Variants in RIF1 observed in about 807,000 individuals in gnomAD.
The protein encoded by RIF1 is replication timing regulatory factor 1.
A neutral mutation model predicts 247.1 loss-of-function variants in RIF1; 45 were observed. That is an observed-to-expected ratio of 0.18 (90% confidence interval 0.14 to 0.23). RIF1 has a LOEUF of 0.23. Among genes scored for constraint, RIF1 ranks in the 10% least tolerant of loss-of-function variants. The probability of loss-of-function intolerance (pLI) is 1.00; values close to 1 mark genes in which losing one functional copy is unlikely to be tolerated. For missense variants in RIF1, 2,967 were observed against 2,862.5 expected (o/e 1.04, Z -0.83); for synonymous variants, 1,087 against 978.8 (o/e 1.11, Z -2.06).
chr2:151,491,953 A>G lies in RIF1; in HGVS notation c.*416-3276A>G. 9 of 1,037,972 alleles carry G rather than the reference A, an allele frequency of 8.7e-6. No individual in the cohort carries two copies. In the South Asian group the frequency reaches 1.3e-4, roughly 15 times the overall value. 64.3% of individuals were successfully genotyped at this position (1,037,972 alleles called of 1,614,324 possible). A position where few individuals can be genotyped will look rare whatever the true frequency, so the allele number is the denominator to read the frequency against. The stretch of plus-strand genomic sequence containing the variant: ...GATAAGGTAGAAATCAGCTTTGTAA[A>G]CTATGAGATAATAGGAGCTTTCTTG... On this transcript the variant is annotated intron_variant and NMD_transcript_variant, in intron 9 of 13. Coordinates refer to the RIF1 transcript ENST00000454583.
Position 151,465,814 on chromosome 2 carries a change from A to G in RIF1, c.6294A>G (p.Leu2098=). The change falls in exon 30 of 36, where the codon TTA becomes TTG. Residue 2098 remains leucine (L), a synonymous_variant. Transcript: ENST00000444746. ...NTEYSKSEEK[L]DNNQMVMESD... is the part of the protein sequence containing the mutation. ...AGTATAGTAAATCTGAAGAAAAATT[A>G]GATAACAATCAAATGGTAATGGAAA... 1.2e-6 allele frequency: 2 copies of G among 1,613,018 alleles called. No homozygotes were observed. Among genetic ancestry groups the G allele is most frequent in the Non-Finnish European group, 1.7e-6 (2 of 1,178,996 alleles).
At chr2:151,437,927 G>T (rs112938886) in intron 13 of RIF1, among the ~76,000 whole-genome samples, 2,290 of 152,202 alleles carry the variant, frequency 0.015, 69 homozygotes, top group African/African-American at 0.052. Context: ...CTAAACTCCT[G>T]TGTTACATGG....
intron 6 of RIF1, among the ~76,000 whole-genome samples, chr2:151,418,876 A>G (rs1281900423): frequency 6.7e-6 from 1 of 150,258 alleles, no homozygotes; most frequent in Non-Finnish European, 1.5e-5. Flanking sequence ...CTTGGTCTCA[A>G]AAAAAAAAAG....
chr2:151,493,111 TTGTTA>T (rs1439355886), intron 9 of RIF1: 4 of 431,468 alleles, frequency 9.3e-6, no homozygotes, highest in Non-Finnish European at 1.7e-5. Flanking sequence ...GGCAATTAAC[TTGTTA>T]TGTTTAGTAT....
chr2:151,432,447 T>C (rs1026975940), intron 9 of RIF1, among the ~76,000 whole-genome samples: 2 of 152,216 alleles, frequency 1.3e-5, no homozygotes, highest in East Asian at 1.9e-4. Context: ...ACAATATGAT[T>C]ATTGTTAAGA....
intron 27 of RIF1, 119 bp from the exon 28 acceptor site, chr2:151,462,123 T>G: frequency 1.8e-6 from 1 of 560,724 alleles, no homozygotes; most frequent in Non-Finnish European, 2.9e-6. Context: ...CCCACCCACC[T>G]CAACCTCCCA....
chr2:151,423,069 A>G, intron 8 of RIF1, 27 bp downstream of exon 8: 1 of 1,155,516 alleles, frequency 8.7e-7, no homozygotes, highest in African/African-American at 1.5e-5. Flanking sequence ...TGAACAGTCA[A>G]CAGTTTTTAC....
the RIF1 span, chr2:151,534,115 A>G: frequency 1.1e-6 from 1 of 874,748 alleles, no homozygotes; most frequent in Non-Finnish European, 1.8e-6. Context: ...CCAATATCAT[A>G]GGCAGAACCT....
intron 9 of RIF1, among the ~76,000 whole-genome samples, chr2:151,431,660 G>A (rs1441860815): frequency 6.6e-6 from 1 of 152,178 alleles, no homozygotes; most frequent in Non-Finnish European, 1.5e-5. Flanking sequence ...GGTGGCACAT[G>A]CCTGTAATCC....
chr2:151,489,517 A>G (rs978148029), intron 9 of RIF1, among the ~76,000 whole-genome samples: 4 of 152,076 alleles, frequency 2.6e-5, no homozygotes, highest in East Asian at 1.9e-4. Context: ...TCCCACCTCA[A>G]CTTCCTCAGT....
chr2:151,428,881 T>A lies in RIF1; in HGVS notation c.884T>A (p.Ile295Asn), dbSNP rs764717341. 1 of 1,524,934 alleles carries A rather than the reference T, an allele frequency of 6.6e-7. No homozygotes were observed. The highest frequency in any genetic ancestry group is 1.7e-5 in the Admixed American group (1 of 59,844). 94.5% of individuals were successfully genotyped at this position (1,524,934 alleles called of 1,614,324 possible). ...CCCATGATTAAAAAGATAGCTTTTATTGCTTGGAAGAGTTTAATAGATAAT... is the reference window on the plus strand; with the variant it reads ...CCCATGATTAAAAAGATAGCTTTTAATGCTTGGAAGAGTTTAATAGATAAT... ...GAPMIKKIAF[I>N]AWKSLIDNFA... is the part of the protein sequence containing the mutation. Residue 295 changes from isoleucine (I) to asparagine (N), a missense_variant, in exon 9 of 36, where the codon ATT becomes AAT. Physicochemically the swap from Ile to Asn is moderately radical, Grantham distance 149. This residue lies in a region of RIF1 where 71 missense variants were observed against 132.9 expected (regional missense o/e 0.53). Coordinates refer to ENST00000444746, the MANE Select transcript of RIF1 (RefSeq NM_018151.5).
At chr2:151,527,636 A>G in the RIF1 span, 1 of 1,320,748 alleles carries the variant, frequency 7.6e-7, no homozygotes, top group South Asian at 1.2e-5. Flanking sequence ...GGCTAAATTC[A>G]TAAACACACA....
intron 20 of RIF1, among the ~76,000 whole-genome samples, chr2:151,447,949 T>C (rs1469491419): frequency 1.3e-5 from 2 of 152,248 alleles, no homozygotes; most frequent in African/African-American, 4.8e-5. Context: ...ATGCAGATTA[T>C]TGAAATGATA....
At chr2:151,512,629 G>A, downstream of RIF1, 1 of 889,722 alleles carries the variant, frequency 1.1e-6, no homozygotes, top group South Asian at 1.5e-5. Context: ...CTTTTTTATT[G>A]GGAAAAACTG....
chr2:151,498,417 G>A (rs2152994489), intron 10 of RIF1: 3 of 1,160,446 alleles, frequency 2.6e-6, no homozygotes, highest in Non-Finnish European at 2.5e-6. Flanking sequence ...CCCTGCTTTG[G>A]AGCAGTTGGG....
chr2:151,458,994 G>A, intron 25 of RIF1, 84 bp downstream of exon 25: 1 of 771,460 alleles, frequency 1.3e-6, no homozygotes, highest in Non-Finnish European at 2.0e-6. Flanking sequence ...AACCTGAACA[G>A]AAAAGAGTTT....
At position 151,465,158 on chromosome 2, in the gene RIF1, A is replaced by C; in HGVS notation, c.5638A>C (p.Lys1880Gln). 2 of 1,613,678 alleles carry C rather than the reference A, an allele frequency of 1.2e-6. No homozygotes were observed. Among genetic ancestry groups the C allele is most frequent in the Non-Finnish European group, 1.7e-6 (2 of 1,179,910 alleles). Residue 1880 changes from lysine (K) to glutamine (Q), a missense_variant, in exon 30 of 36, where the codon AAA becomes CAA. This residue lies in a region of RIF1 where 2,028 missense variants were observed against 1,825.6 expected (regional missense o/e 1.11). Transcript: ENST00000444746. ...TGTTTCACAGGAATCTTTGGAGACA[A>C]AAGAAGAAAAACCAGAAGAAACCCC... is the stretch of plus-strand genomic sequence containing the variant. The part of the protein sequence containing the change: ...KNVSQESLET[K>Q]EEKPEETPKM...
chr2:151,531,776 T>C, the RIF1 span: 11 of 1,577,064 alleles, frequency 7.0e-6, no homozygotes, highest in African/African-American at 1.3e-4. Context: ...AGGTATTCAG[T>C]GTTTCTTGCA....
At chr2:151,422,531 GCT>G (rs932415063) in intron 7 of RIF1, among the ~76,000 whole-genome samples, 3 of 146,978 alleles carry the variant, frequency 2.0e-5, no homozygotes, top group African/African-American at 7.5e-5. Context: ...AGACAGTCTT[GCT>G]CTGTCGCCCA....
Sources: gnomAD v4.1 joint callset for allele counts (sites outside exome capture counted in the v4.1 genomes callset) on GRCh38, gnomAD v4.1.1 for gene constraint, gnomAD v4.1.1 regional missense constraint, MANE v1.5 for transcripts, NCBI Gene and HGNC (gene_info 2026-07-23, HGNC 2026-07-21) for gene names.